EDRF1: variants seen among roughly 807,000 people sequenced by gnomAD.
EDRF1 encodes the protein erythroid differentiation-related factor 1.
In EDRF1, 69 loss-of-function variants were observed where a neutral mutation model predicts 148.7. That is an observed-to-expected ratio of 0.46 (90% confidence interval 0.38 to 0.57). EDRF1 has a LOEUF of 0.57. Ranked by LOEUF, EDRF1 falls within the 20% of genes least tolerant of loss-of-function variation. The pLI, the probability that EDRF1 is intolerant of heterozygous loss-of-function variation, is 0.00. For synonymous variants in EDRF1, 515 were observed against 532.8 expected (o/e 0.97, Z 0.46); for missense variants, 1,118 against 1,478.7 (o/e 0.76, Z 4.00).
chr10:125,742,565 G>T (rs1849085173), intron 17 of EDRF1: 1 of 985,084 alleles, frequency 1.0e-6, no homozygotes, highest in Non-Finnish European at 1.2e-6. Context: ...GAAAGTCCTT[G>T]GTGTATTTTT....
intron 13 of EDRF1, among the ~76,000 whole-genome samples, chr10:125,736,312 A>G (rs1003502327): frequency 6.6e-6 from 1 of 152,096 alleles, no homozygotes; most frequent in Non-Finnish European, 1.5e-5. Flanking sequence ...GCTCTGGTAC[A>G]TTATCCCTGT....
chr10:125,745,880 G>C lies in EDRF1; in HGVS notation c.2764G>C (p.Asp922His). The change falls in exon 19 of 25, where the codon GAT becomes CAT. Residue 922 changes from aspartate to histidine, a missense_variant. Asp to His is a moderately conservative substitution (Grantham distance 81). This residue lies in a region of EDRF1 where 954 missense variants were observed against 1,241.4 expected (regional missense o/e 0.77). Coordinates refer to ENST00000356792, the MANE Select transcript of EDRF1 (RefSeq NM_001202438.2). ...ICAQAHCGAGDELKREFSPEE... is the reference protein window; with the variant it reads ...ICAQAHCGAGHELKREFSPEE... ...TGCGCAGGCCCACTGTGGTGCAGGG[G>C]ATGAACTGAAACGTGAATTTTCACC... 2 of 1,614,258 alleles carry C rather than the reference G, an allele frequency of 1.2e-6. No individual in the cohort carries two copies. The highest frequency in any genetic ancestry group is 1.7e-6 in the Non-Finnish European group (2 of 1,180,042).
chr10:125,751,665 C>T (rs1352350633), intron 22 of EDRF1, among the ~76,000 whole-genome samples: 1 of 152,220 alleles, frequency 6.6e-6, no homozygotes, highest in Non-Finnish European at 1.5e-5. Context: ...TCCCCAAGAC[C>T]ATTGTCACTT....
chr10:125,725,574 TTAC>T, intron 5 of EDRF1, 105 bp from the exon 6 acceptor site: 3 of 1,565,694 alleles, frequency 1.9e-6, no homozygotes, highest in Non-Finnish European at 2.6e-6. Flanking sequence ...TATTTCTTTT[TTAC>T]AAGATGTATG....
chr10:125,723,665 T>C lies in EDRF1; in HGVS notation c.385-146T>C, dbSNP rs1848114700. The C allele has an allele frequency of 1.6e-5, 13 of 792,358 alleles. No individual in the cohort carries two copies. The South Asian group carries it at 1.9e-4, about 12-fold the overall frequency. 49.1% of individuals were successfully genotyped at this position (792,358 alleles called of 1,614,324 possible). The stretch of plus-strand genomic sequence containing the variant: ...AAGCTCCGTCCTCTGTGTGTTTGCA[T>C]GTAGCTTTTTGTTTAAAGTTCTATT... On this transcript the variant is annotated intron_variant, in intron 3 of 24. Coordinates refer to ENST00000356792, the MANE Select transcript of EDRF1 (RefSeq NM_001202438.2).
In EDRF1 at chr10:125,725,869, C is replaced by G. The variant is rs779254290; in HGVS notation, c.792+31C>G. On this transcript the variant is annotated intron_variant, in intron 6 of 24. Transcript: ENST00000356792. The stretch of plus-strand genomic sequence containing the variant: ...TACTTAAATGCTAATTCTAGAAACT[C>G]ACATAGGAAAACAAAGCCTTTTTTA... 6 of 1,601,870 alleles carry G rather than the reference C, an allele frequency of 3.7e-6. No individual in the cohort carries two copies. In the Admixed American group the frequency reaches 1.0e-4, roughly 27 times the overall value.
intron 24 of EDRF1, among the ~76,000 whole-genome samples, chr10:125,759,964 C>T (rs1045663279): frequency 6.6e-6 from 1 of 152,226 alleles, no homozygotes; most frequent in Non-Finnish European, 1.5e-5. Context: ...CCTGCCTCAG[C>T]CTCCCAAAGT....
At chr10:125,723,513 A>G (rs980838577) in intron 3 of EDRF1, among the ~76,000 whole-genome samples, 5 of 152,218 alleles carry the variant, frequency 3.3e-5, no homozygotes, top group African/African-American at 1.2e-4. Flanking sequence ...GATATGCTAA[A>G]AGCCTGGGTC....
rs760724981 is a variant in EDRF1 at position 125,745,743 on chromosome 10, G to A, written c.2627G>A (p.Trp876Ter). 6.2e-7 allele frequency: 1 copy of A among 1,614,118 alleles called. No individual in the cohort carries two copies. The highest frequency in any genetic ancestry group is 8.5e-7 in the Non-Finnish European group (1 of 1,180,006). The change falls in exon 19 of 25, where the codon TGG becomes TAG. Residue 876 changes from tryptophan (W) to a stop codon, truncating the protein, a stop_gained. Transcript: ENST00000356792. LOFTEE classifies it high-confidence loss of function. ...GTGTCTGCTGCCGAGCAACAGTTGT[G>A]GAAAAAAAGCTTTTCTTGTTTTGAA... ...KSVSAAEQQL[W>*]KKSFSCFEKG...
intron 24 of EDRF1, among the ~76,000 whole-genome samples, chr10:125,758,781 C>T (rs926037788): frequency 6.6e-6 from 1 of 152,144 alleles, no homozygotes; most frequent in Admixed American, 6.5e-5. Context: ...GCCTTTTCGC[C>T]TGTTTGGGAG....
intron 21 of EDRF1, 104 bp from the exon 22 acceptor site, chr10:125,749,308 G>A: frequency 3.2e-6 from 4 of 1,247,872 alleles, no homozygotes; most frequent in South Asian, 2.4e-5. Flanking sequence ...AAACTAATAA[G>A]ACCTAGTAAG....
chr10:125,742,132 T>G, intron 17 of EDRF1: 4 of 957,864 alleles, frequency 4.2e-6, no homozygotes, highest in Non-Finnish European at 5.8e-6. Context: ...AATGATTCCT[T>G]GGGGCTGAAA....
chr10:125,734,046 A>G (rs765032953), intron 11 of EDRF1, 26 bp from the exon 12 acceptor site: 2 of 1,566,290 alleles, frequency 1.3e-6, no homozygotes, highest in Non-Finnish European at 1.8e-6. Flanking sequence ...AATGGGCAGT[A>G]AAGTTGATAT....
chr10:125,749,695 G>A (rs1445191832), intron 22 of EDRF1, 130 bp downstream of exon 22: 11 of 1,037,922 alleles, frequency 1.1e-5, no homozygotes, highest in Admixed American at 8.0e-5. Flanking sequence ...TAATGACTTC[G>A]GGTAGAGAGG....
In EDRF1 at chr10:125,743,265, G is replaced by A; in HGVS notation, c.2579G>A (p.Ser860Asn). 6.2e-7 allele frequency: 1 copy of A among 1,613,066 alleles called. No homozygotes were observed. Among genetic ancestry groups the A allele is most frequent in the Non-Finnish European group, 8.5e-7 (1 of 1,179,232 alleles). The change falls in exon 18 of 25, where the codon AGT becomes AAT. Residue 860 changes from serine to asparagine, a missense_variant. By Grantham distance (46) the Ser-to-Asn change is conservative. Coordinates refer to ENST00000356792, the MANE Select transcript of EDRF1 (RefSeq NM_001202438.2). ...ATGAATCAGGCTGCTGCATTACAGA[G>A]TGAGAGACTAGGTGAGTATCTCTTT... ...FYMNQAAALQSERLVSKSVSA... is the reference protein window; with the variant it reads ...FYMNQAAALQNERLVSKSVSA...
At chr10:125,730,184 TAG>T in intron 8 of EDRF1, 102 bp from the exon 9 acceptor site, 1 of 875,480 alleles carries the variant, frequency 1.1e-6, no homozygotes, top group South Asian at 1.5e-5. Flanking sequence ...ATTTTCTATC[TAG>T]AGAGGACAGC....
At chr10:125,748,040 G>A (rs1376051997) in intron 21 of EDRF1, 28 bp downstream of exon 21, 1 of 1,613,296 alleles carries the variant, frequency 6.2e-7, no homozygotes, top group African/African-American at 1.3e-5. Context: ...TAAGTACAGT[G>A]CCACATCAGT....
Position 125,763,407 on chromosome 10 carries a change from G to T in EDRF1, c.3652G>T (p.Val1218Phe). The change falls in exon 25 of 25, where the codon GTT (valine) becomes TTT (phenylalanine). Residue 1218 changes from valine to phenylalanine, a missense_variant. Physicochemically the swap from Val to Phe is conservative, Grantham distance 50 (BLOSUM62 -1). Transcript: ENST00000356792. The surrounding 1 kb of genome is among the most constrained non-coding windows in gnomAD (Gnocchi z 4.3). ...KTATLLERIN[V>F]IVHLLGQLAA... ...CGCGACTCTTCTGGAAAGAATCAACGTTATCGTCCACCTGCTGGGCCAGCT... is the reference window on the plus strand; with the variant it reads ...CGCGACTCTTCTGGAAAGAATCAACTTTATCGTCCACCTGCTGGGCCAGCT... 6.2e-7 allele frequency: 1 copy of T among 1,612,248 alleles called. No homozygotes were observed. The highest frequency in any genetic ancestry group is 8.5e-7 in the Non-Finnish European group (1 of 1,180,038).
rs190281007 is a variant in EDRF1, at chr10:125,722,679, A to G, written c.318-389A>G. On this transcript the variant is annotated intron_variant, in intron 2 of 24. Transcript: ENST00000356792. ...CAATCTCAGAAAGTAAAATCCTGAT[A>G]AATGTTTCTGTTTCTGTTTTTCTTA... Among the ~76,000 whole-genome samples the G allele has an allele frequency of 1.6e-3, 247 of 152,260 alleles. 1 individual carries two copies. The highest frequency in any genetic ancestry group is 5.5e-3 in the African/African-American group (228 of 41,552).
Sources: allele counts gnomAD v4.1 joint callset (sites outside exome capture counted in the v4.1 genomes callset), GRCh38; gene constraint gnomAD v4.1.1; regional missense constraint gnomAD v4.1.1; non-coding constraint Gnocchi (gnomAD v3.1); transcripts MANE v1.5; gene names NCBI Gene and HGNC (gene_info 2026-07-23, HGNC 2026-07-21).